Variants in GRM8 observed in about 807,000 individuals in gnomAD.
GRM8 encodes the protein glutamate metabotropic receptor 8, also known as metabotropic glutamate receptor 8.
In GRM8, 47 loss-of-function variants were observed where a neutral mutation model predicts 87.2. The ratio of observed to expected loss-of-function variants is 0.54; its 90% CI spans 0.43 to 0.69. The LOEUF is 0.69. GRM8 is among the 30% of genes least tolerant of loss of function. The pLI, the probability that GRM8 is intolerant of heterozygous loss-of-function variation, is 0.00. For missense variants in GRM8, 1,019 were observed against 1,139.2 expected, an observed-to-expected ratio of 0.89 and a Z score of 1.52; for synonymous variants, 396 against 404.5, an observed-to-expected ratio of 0.98 and a Z score of 0.25.
At chr7:127,078,809 C>T (rs886801530) in intron 3 of GRM8, among the ~76,000 whole-genome samples, 4 of 152,214 alleles carry the variant, frequency 2.6e-5, no homozygotes, top group Admixed American at 6.5e-5. Context: ...ACTAAGGATA[C>T]GTGGTATAAT....
At chr7:127,249,606 G>A (rs559642885) in intron 1 of GRM8, among the ~76,000 whole-genome samples, 1 of 152,118 alleles carries the variant, frequency 6.6e-6, no homozygotes, top group Admixed American at 6.5e-5. Flanking sequence ...CCAGTGAGTG[G>A]GTGAGTTTGT....
At chr7:126,951,467 C>CA (rs1228920442) in intron 3 of GRM8, among the ~76,000 whole-genome samples, 1 of 151,884 alleles carries the variant, frequency 6.6e-6, no homozygotes, top group Non-Finnish European at 1.5e-5. Context: ...GATGAGGATC[C>CA]AAAATGCAAT....
chr7:127,130,565 T>A (rs1447942193), intron 2 of GRM8, among the ~76,000 whole-genome samples: 2 of 152,172 alleles, frequency 1.3e-5, no homozygotes, highest in East Asian at 3.8e-4. Flanking sequence ...TAGAGATATG[T>A]GGAACTTTGA....
intron 3 of GRM8, among the ~76,000 whole-genome samples, chr7:127,015,175 GGAGAAGAAGAAGA>G (rs1815455823): frequency 1.8e-5 from 1 of 55,760 alleles, no homozygotes. Context: ...AGAAGGAGAA[GGAGAAGAAGAAGA>G]AGAAGAAGAA....
At chr7:126,497,446 T>G (rs1421581023) in intron 9 of GRM8, among the ~76,000 whole-genome samples, 1 of 151,978 alleles carries the variant, frequency 6.6e-6, no homozygotes, top group Non-Finnish European at 1.5e-5. Flanking sequence ...AAGCTGCAAC[T>G]GCCTGAAGTT....
At chr7:126,701,047 A>G (rs749154461) in intron 7 of GRM8, among the ~76,000 whole-genome samples, 3 of 151,656 alleles carry the variant, frequency 2.0e-5, no homozygotes, top group Non-Finnish European at 4.4e-5. Flanking sequence ...GTATATATAT[A>G]TGTGTGTATA....
intron 9 of GRM8, among the ~76,000 whole-genome samples, chr7:126,525,902 C>A (rs1245791671): frequency 6.6e-6 from 1 of 152,094 alleles, no homozygotes; most frequent in Non-Finnish European, 1.5e-5. Flanking sequence ...TTACATATTT[C>A]TTTTAATTAT....
At chr7:127,134,827 A>G (rs1827863866) in intron 2 of GRM8, among the ~76,000 whole-genome samples, 1 of 152,176 alleles carries the variant, frequency 6.6e-6, no homozygotes, top group Non-Finnish European at 1.5e-5. Context: ...AAGTCTATCA[A>G]AATTTCACCT....
intron 7 of GRM8, among the ~76,000 whole-genome samples, chr7:126,627,685 T>C (rs1800839395): frequency 6.6e-6 from 1 of 152,180 alleles, no homozygotes; most frequent in Admixed American, 6.5e-5. Context: ...AGGCCTTTTA[T>C]GTGCACTTTT....
intron 2 of GRM8, among the ~76,000 whole-genome samples, chr7:127,201,682 G>A (rs535104463): frequency 4.6e-5 from 7 of 152,236 alleles, no homozygotes; most frequent in South Asian, 2.1e-4. Flanking sequence ...GGTAAGAATC[G>A]TCAAAAATTT....
intron 6 of GRM8, among the ~76,000 whole-genome samples, chr7:126,778,728 T>C (rs1417658624): frequency 1.3e-5 from 2 of 152,120 alleles, no homozygotes; most frequent in South Asian, 2.1e-4. Flanking sequence ...AATTTGGGCC[T>C]GGAAATTCCC....
At chr7:126,616,924 C>T (rs1029702448) in intron 7 of GRM8, among the ~76,000 whole-genome samples, 1 of 152,202 alleles carries the variant, frequency 6.6e-6, no homozygotes, top group African/African-American at 2.4e-5. Context: ...CAGACGGATT[C>T]AGAGCCAAAT....
chr7:126,542,525 G>A (rs1381167514), intron 8 of GRM8, among the ~76,000 whole-genome samples: 1 of 152,156 alleles, frequency 6.6e-6, no homozygotes, highest in Non-Finnish European at 1.5e-5. Context: ...TGCCTTGAAA[G>A]ATAAAATGGA....
intron 7 of GRM8, among the ~76,000 whole-genome samples, chr7:126,626,307 C>T (rs1800685802): frequency 6.6e-6 from 1 of 152,042 alleles, no homozygotes; most frequent in Admixed American, 6.6e-5. Context: ...TTTGTACCCC[C>T]AAGTCTAAAA....
intron 6 of GRM8, among the ~76,000 whole-genome samples, chr7:126,888,573 A>C (rs1800709604): frequency 6.6e-6 from 1 of 152,016 alleles, no homozygotes; most frequent in African/African-American, 2.4e-5. Flanking sequence ...TCATATTCTG[A>C]TGGATTCTTG....
At chr7:127,142,551 T>C (rs1035682565) in intron 2 of GRM8, among the ~76,000 whole-genome samples, 4 of 152,252 alleles carry the variant, frequency 2.6e-5, no homozygotes, top group African/African-American at 4.8e-5. Flanking sequence ...AATTCAGAAA[T>C]TTTTTTCTTT....
chr7:127,033,414 T>C (rs995322020), intron 3 of GRM8, among the ~76,000 whole-genome samples: 7 of 152,212 alleles, frequency 4.6e-5, no homozygotes, highest in African/African-American at 1.4e-4. Flanking sequence ...CTAGTAATAA[T>C]ATTAATTATA....
chr7:126,732,530 T>TGAAA (rs1340477848), intron 7 of GRM8, among the ~76,000 whole-genome samples: 1 of 152,134 alleles, frequency 6.6e-6, no homozygotes, highest in African/African-American at 2.4e-5. Flanking sequence ...ACTTAGCATA[T>TGAAA]GAAAGAAGAA....
intron 3 of GRM8, among the ~76,000 whole-genome samples, chr7:127,059,323 T>G (rs964789897): frequency 6.9e-6 from 1 of 144,732 alleles, no homozygotes; most frequent in Non-Finnish European, 1.5e-5. Flanking sequence ...ATAAATTTTT[T>G]TTTTTTGCTT....
Sources: gnomAD v4.1 joint callset for allele counts (sites outside exome capture counted in the v4.1 genomes callset) on GRCh38, gnomAD v4.1.1 for gene constraint, MANE v1.5 for transcripts, NCBI Gene and HGNC (gene_info 2026-07-23, HGNC 2026-07-21) for gene names.